The following DNER variants were observed in gnomAD, a reference collection of about 807,000 sequenced individuals.
DNER encodes delta/notch like EGF repeat containing, also known as delta and Notch-like epidermal growth factor-related receptor.
DNER carries 33 observed loss-of-function variants against 78.2 expected under a neutral mutation model. That is an observed-to-expected ratio of 0.42 (90% CI 0.32 to 0.56). The LOEUF is 0.56. Ranked by LOEUF, DNER falls within the 20% of genes least tolerant of loss-of-function variation. The pLI is 0.11. For missense variants in DNER, 918 were observed against 975.3 expected (o/e 0.94, Z 0.78); for synonymous variants, 417 against 384.8 (o/e 1.08, Z -0.98).
chr2:229,459,469 G>T (rs1694645336), intron 7 of DNER, among the ~76,000 whole-genome samples: 1 of 152,050 alleles, frequency 6.6e-6, no homozygotes, highest in Admixed American at 6.5e-5. Flanking sequence ...CTACATACGG[G>T]ACATTATGCC....
intron 11 of DNER, among the ~76,000 whole-genome samples, chr2:229,380,395 A>T (rs1227245065): frequency 1.3e-5 from 2 of 152,046 alleles, no homozygotes; most frequent in Admixed American, 6.5e-5. Flanking sequence ...TTCCAAATTC[A>T]CACAGAAGAC....
intron 1 of DNER, among the ~76,000 whole-genome samples, chr2:229,705,729 G>A (rs4972911): frequency 0.31 from 47,356 of 152,092 alleles, 7,550 homozygotes; most frequent in East Asian, 0.4. Context: ...TATCAAAATA[G>A]CAGTTTGTGT....
intron 7 of DNER, among the ~76,000 whole-genome samples, chr2:229,457,771 A>G (rs976328521): frequency 2.5e-5 from 3 of 121,564 alleles, no homozygotes; most frequent in Admixed American, 1.7e-4. Context: ...GTCAGACTTT[A>G]TTTGGAAAAA....
chr2:229,572,024 C>T (rs189563790), intron 4 of DNER, among the ~76,000 whole-genome samples: 1 of 152,194 alleles, frequency 6.6e-6, no homozygotes, highest in Non-Finnish European at 1.5e-5. Context: ...CTCAACACAG[C>T]ACACACACCC....
intron 1 of DNER, among the ~76,000 whole-genome samples, chr2:229,612,687 G>A (rs1405551671): frequency 6.6e-6 from 1 of 152,214 alleles, no homozygotes; most frequent in Non-Finnish European, 1.5e-5. Flanking sequence ...AGGCTATTTG[G>A]CCCAGGTTTC....
chr2:229,469,885 A>C (rs751475904), intron 7 of DNER, among the ~76,000 whole-genome samples: 14 of 152,198 alleles, frequency 9.2e-5, no homozygotes, highest in Non-Finnish European at 1.6e-4. Flanking sequence ...CAGAGGTTGC[A>C]GTGAGCCAAG....
chr2:229,387,701 T>C (rs1390178480), intron 11 of DNER, among the ~76,000 whole-genome samples: 1 of 152,188 alleles, frequency 6.6e-6, no homozygotes, highest in Non-Finnish European at 1.5e-5. Flanking sequence ...TTTATCAAAC[T>C]TCTATTAGTT....
At position 229,714,315 on chromosome 2, in the gene DNER, C is replaced by G. The variant is rs1478110384; in HGVS notation, c.109G>C (p.Val37Leu). The G allele has an allele frequency of 7.8e-7, 1 of 1,289,880 alleles. No homozygotes were observed. 79.9% of individuals were successfully genotyped at this position (1,289,880 alleles called of 1,614,324 possible). The change falls in exon 1 of 13, where the codon GTG becomes CTG. Residue 37 changes from valine (V) to leucine (L), a missense_variant. Physicochemically the swap from Val to Leu is conservative, Grantham distance 32. Transcript: ENST00000341772. ...GPRGSSLANP[V>L]PAAPLSAPGP... ...GGCGCAGACAGGGGCGCGGCGGGCA[C>G]CGGGTTGGCCAGGGAGCTGCCTCGG...
chr2:229,641,107 A>G (rs1405052623), intron 1 of DNER, among the ~76,000 whole-genome samples: 1 of 152,204 alleles, frequency 6.6e-6, no homozygotes, highest in Admixed American at 6.5e-5. Context: ...TAAATGAGCC[A>G]GGAGCTGGAG....
intron 10 of DNER, among the ~76,000 whole-genome samples, chr2:229,399,075 G>C (rs59482982): frequency 0.017 from 2,608 of 149,638 alleles, 70 homozygotes; most frequent in African/African-American, 0.06. Context: ...AGTGAGACAA[G>C]ACAAAAAATA....
At position 229,418,191 on chromosome 2, in the gene DNER, C is replaced by T. The variant is rs747579140; in HGVS notation, c.1526G>A (p.Cys509Tyr). 6.2e-7 allele frequency: 1 copy of T among 1,614,092 alleles called. No individual in the cohort carries two copies. Among genetic ancestry groups the T allele is most frequent in the East Asian group, 2.2e-5 (1 of 44,864 alleles). ...GLYCEEEYNE[C>Y]LSAPCLNAAT... ...TGCATTCAGGCATGGAGCGGAGAGGCACTCATTATATTCCTCCTCACAGTA... is the reference window on the plus strand; with the variant it reads ...TGCATTCAGGCATGGAGCGGAGAGGTACTCATTATATTCCTCCTCACAGTA... The change falls in exon 9 of 13, where the codon TGC becomes TAC. Residue 509 changes from cysteine (C) to tyrosine (Y), a missense_variant. Coordinates refer to ENST00000341772, the MANE Select transcript of DNER (RefSeq NM_139072.4).
intron 1 of DNER, among the ~76,000 whole-genome samples, chr2:229,671,037 G>GT (rs952326322): frequency 9.2e-5 from 14 of 152,120 alleles, no homozygotes; most frequent in African/African-American, 2.2e-4. Context: ...TATTTCCAAA[G>GT]TTTTTTTATT....
chr2:229,676,260 T>C (rs1160161429), intron 1 of DNER, among the ~76,000 whole-genome samples: 1 of 152,338 alleles, frequency 6.6e-6, no homozygotes, highest in South Asian at 2.1e-4. Context: ...GAGCGGCAGA[T>C]GGTGAAGAGC....
intron 1 of DNER, among the ~76,000 whole-genome samples, chr2:229,616,952 C>A (rs564806302): frequency 3.9e-5 from 6 of 152,282 alleles, no homozygotes; most frequent in African/African-American, 1.4e-4. Context: ...ACAACGTGCC[C>A]TGGAAAGGTC....
At chr2:229,369,919 A>G (rs570454214) in intron 11 of DNER, among the ~76,000 whole-genome samples, 1 of 152,198 alleles carries the variant, frequency 6.6e-6, no homozygotes, top group Admixed American at 6.5e-5. Context: ...CCACCATTCC[A>G]CACTTCCCCA....
intron 4 of DNER, among the ~76,000 whole-genome samples, chr2:229,557,759 C>T (rs1489902808): frequency 6.6e-6 from 1 of 150,636 alleles, no homozygotes; most frequent in Non-Finnish European, 1.5e-5. Context: ...GAAATTAATA[C>T]AGAGAAACAA....
intron 9 of DNER, 143 bp downstream of exon 9, chr2:229,417,965 G>A: frequency 7.3e-7 from 1 of 1,366,718 alleles, no homozygotes. Flanking sequence ...GGTCTCCTTG[G>A]ACCGATTAAT....
intron 5 of DNER, among the ~76,000 whole-genome samples, chr2:229,540,717 T>C (rs181252790): frequency 9.1e-4 from 139 of 152,232 alleles, no homozygotes; most frequent in African/African-American, 2.5e-3. Context: ...GTCACAGAAG[T>C]CAGGACTCGT....
intron 4 of DNER, among the ~76,000 whole-genome samples, chr2:229,581,574 C>T (rs1015403130): frequency 1.3e-5 from 2 of 152,156 alleles, no homozygotes; most frequent in African/African-American, 2.4e-5. Flanking sequence ...GAGGGAAGAA[C>T]AACACACTTG....
Sources: allele counts gnomAD v4.1 joint callset (sites outside exome capture counted in the v4.1 genomes callset), GRCh38; gene constraint gnomAD v4.1.1; transcripts MANE v1.5; gene names NCBI Gene and HGNC (gene_info 2026-07-23, HGNC 2026-07-21).